Variants in PRRC2B observed in about 807,000 individuals in gnomAD.
PRRC2B encodes protein PRRC2B.
A neutral mutation model predicts 242.3 loss-of-function variants in PRRC2B; 68 were observed. The observed-to-expected ratio is 0.28, with a 90% CI of 0.23 to 0.34. The LOEUF is 0.34. Among genes scored for constraint, PRRC2B ranks in the 10% least tolerant of loss-of-function variants. The pLI is 1.00. For missense variants in PRRC2B, 2,835 were observed against 2,954.8 expected (o/e 0.96, Z 0.94); for synonymous variants, 1,228 against 1,173.6 (o/e 1.05, Z -0.95).
intron 1 of PRRC2B, among the ~76,000 whole-genome samples, chr9:131,397,877 T>A (rs1258118317): frequency 2.6e-5 from 4 of 152,216 alleles, no homozygotes; most frequent in African/African-American, 9.7e-5. Flanking sequence ...ACAATGGGCT[T>A]TGTGCTCCAA....
intron 13 of PRRC2B, 44 bp downstream of exon 13, chr9:131,467,797 GTGCCGAGCAGA>G: frequency 6.3e-7 from 1 of 1,593,212 alleles, no homozygotes; most frequent in Non-Finnish European, 8.6e-7. Flanking sequence ...ACAGGCCTGA[GTGCCGAGCAGA>G]TGTTTCCCCT....
chr9:131,430,711 G>C (rs1030026114), intron 2 of PRRC2B, among the ~76,000 whole-genome samples: 1 of 151,838 alleles, frequency 6.6e-6, no homozygotes, highest in African/African-American at 2.4e-5. Context: ...TCTTGCCTCA[G>C]CCTCCCGAGT....
chr9:131,447,505 T>C (rs1838841870), intron 8 of PRRC2B, among the ~76,000 whole-genome samples, 157 bp from the exon 9 acceptor site: 1 of 152,224 alleles, frequency 6.6e-6, no homozygotes, highest in Non-Finnish European at 1.5e-5. Flanking sequence ...TTCTGGGATG[T>C]ACTCGTTTGC....
chr9:131,385,246 C>T (rs942424211), intron 1 of PRRC2B, among the ~76,000 whole-genome samples: 1 of 149,126 alleles, frequency 6.7e-6, no homozygotes, highest in Non-Finnish European at 1.5e-5. Context: ...GAGGCTGAGG[C>T]AGGAGAATCA....
At chr9:131,391,736 GCCT>G (rs1236946627), upstream of PRRC2B, among the ~76,000 whole-genome samples, 2 of 152,250 alleles carry the variant, frequency 1.3e-5, no homozygotes, top group Admixed American at 1.3e-4. Flanking sequence ...TTACTGTTCA[GCCT>G]CCTCCTATCA....
chr9:131,491,448 C>T lies in PRRC2B; in HGVS notation c.6249C>T (p.Tyr2083=), dbSNP rs771109488. Residue 2083 remains tyrosine, a synonymous_variant, in exon 29 of 32, where the codon TAC becomes TAT. Transcript: ENST00000683519. The stretch of plus-strand genomic sequence containing the variant: ...AGCTGACCATGCCACTGCCTCGGTA[C>T]GGCTCCGGGCAGCAGCCACTGATCC... ...LPQLTMPLPR[Y]GSGQQPLILP... is the part of the protein sequence containing the mutation. 28 of 1,607,778 alleles carry T rather than the reference C, an allele frequency of 1.7e-5. No homozygotes were observed. Among genetic ancestry groups the T allele is most frequent in the African/African-American group, 1.3e-4 (10 of 74,774 alleles).
At chr9:131,490,888 C>T (rs1944174026) in intron 28 of PRRC2B, 2 of 318,854 alleles carry the variant, frequency 6.3e-6, no homozygotes, top group Admixed American at 3.9e-5. Flanking sequence ...TCGTCCTCTC[C>T]TTGCCCACCC....
At chr9:131,426,230 C>G (rs1390834361) in intron 1 of PRRC2B, among the ~76,000 whole-genome samples, 1 of 149,080 alleles carries the variant, frequency 6.7e-6, no homozygotes, top group African/African-American at 2.5e-5. Context: ...CCCAGCTACT[C>G]AGGAGGCTGA....
chr9:131,474,571 A>G lies in PRRC2B; in HGVS notation c.2442A>G (p.Ala814=). The change falls in exon 16 of 32, where the codon GCA becomes GCG. Residue 814 remains alanine, a synonymous_variant. Coordinates refer to ENST00000683519, the MANE Select transcript of PRRC2B (RefSeq NM_013318.4). ...YLSAFDKKAQ[A]DFDSCISSQR... is the part of the protein sequence containing the mutation. ...GTGCTTTTGACAAGAAGGCCCAAGC[A>G]GACTTTGACAGCTGTATCTCTTCTC... 1 of 1,614,022 alleles carries G rather than the reference A, an allele frequency of 6.2e-7. No homozygotes were observed. Among genetic ancestry groups the G allele is most frequent in the Non-Finnish European group, 8.5e-7 (1 of 1,179,900 alleles).
In PRRC2B at chr9:131,459,496, G is replaced by A. The variant is rs917710802; in HGVS notation, c.1404+140G>A. 5.1e-6 allele frequency: 4 copies of A among 787,762 alleles called. No individual in the cohort carries two copies. In the Admixed American group the frequency reaches 1.2e-4, roughly 23 times the overall value. The allele number at this position is 787,762 out of a possible 1,614,324, so 48.8% of individuals were successfully genotyped here. A position where few individuals can be genotyped will look rare whatever the true frequency, so the allele number is the denominator to read the frequency against. On this transcript the variant is annotated intron_variant, in intron 11 of 31. Transcript: ENST00000683519. ...TAAAATGTTTTTTCATAGAGACAGG[G>A]TCTCACTATGTTGCCCAGGCTTGTC...
At chr9:131,439,092 G>A (rs777194025) in intron 5 of PRRC2B, 31 bp downstream of exon 5, 7 of 1,597,556 alleles carry the variant, frequency 4.4e-6, no homozygotes, top group South Asian at 1.1e-5. Context: ...GTTGTTTGGG[G>A]ACGCTGGGGA....
intron 16 of PRRC2B, among the ~76,000 whole-genome samples, chr9:131,477,314 C>T (rs1340001447): frequency 3.3e-5 from 5 of 152,194 alleles, no homozygotes; most frequent in Admixed American, 6.5e-5. Context: ...CAGGGAACAC[C>T]GACTCTTTCA....
chr9:131,441,470 T>C (rs1402513195), intron 5 of PRRC2B, among the ~76,000 whole-genome samples: 1 of 152,218 alleles, frequency 6.6e-6, no homozygotes, highest in Admixed American at 6.5e-5. Context: ...GTGAGAGGAT[T>C]GGTTGAGCCC....
chr9:131,493,041 A>G (rs1944239754), intron 30 of PRRC2B, among the ~76,000 whole-genome samples: 1 of 152,176 alleles, frequency 6.6e-6, no homozygotes, highest in Non-Finnish European at 1.5e-5. Flanking sequence ...GCCATGAGGT[A>G]TCCCCACGAC....
chr9:131,425,563 A>G (rs910240784), intron 1 of PRRC2B, among the ~76,000 whole-genome samples: 7 of 151,988 alleles, frequency 4.6e-5, no homozygotes, highest in African/African-American at 1.7e-4. Context: ...ATCTCAGCTC[A>G]CTGCAAGCTC....
intron 1 of PRRC2B, among the ~76,000 whole-genome samples, chr9:131,408,412 TAAATA>T (rs996682645): frequency 6.6e-6 from 1 of 152,226 alleles, no homozygotes; most frequent in African/African-American, 2.4e-5. Context: ...GGGAAATGGG[TAAATA>T]AAATACGATG....
intron 1 of PRRC2B, among the ~76,000 whole-genome samples, chr9:131,415,660 TAG>T (rs1196746812): frequency 6.6e-6 from 1 of 152,212 alleles, no homozygotes; most frequent in Non-Finnish European, 1.5e-5. Flanking sequence ...AGTCATTTCC[TAG>T]AGAGGATGGT....
intron 29 of PRRC2B, 120 bp from the exon 30 acceptor site, chr9:131,492,045 ATAAG>A: frequency 1.3e-6 from 1 of 748,080 alleles, no homozygotes. Context: ...CCACTGCTCT[ATAAG>A]ATGCCTCCCT....
intron 1 of PRRC2B, among the ~76,000 whole-genome samples, chr9:131,397,350 A>C (rs1051196596): frequency 1.3e-5 from 2 of 152,232 alleles, no homozygotes; most frequent in Non-Finnish European, 2.9e-5. Flanking sequence ...AGGTAAAAAG[A>C]AAGCCTGGGG....
Sources: gnomAD v4.1 joint callset for allele counts (sites outside exome capture counted in the v4.1 genomes callset) on GRCh38, gnomAD v4.1.1 for gene constraint, MANE v1.5 for transcripts, NCBI Gene and HGNC (gene_info 2026-07-23, HGNC 2026-07-21) for gene names.